The following RNF11 variants were observed in gnomAD, a reference collection of about 807,000 sequenced individuals.
RNF11 encodes the protein ring finger protein 11.
RNF11 carries 4 observed loss-of-function variants against 15.8 expected under a neutral mutation model. The ratio of observed to expected loss-of-function variants is 0.25; its 90% CI spans 0.12 to 0.58. The LOEUF (loss-of-function observed/expected upper bound fraction) is 0.58, where lower values mean the gene tolerates loss of function less well. Among genes scored for constraint, RNF11 ranks in the 20% least tolerant of loss-of-function variants. The pLI, the probability that RNF11 is intolerant of heterozygous loss-of-function variation, is 0.91. For synonymous variants in RNF11, 68 were observed against 72.3 expected (o/e 0.94, Z 0.30); for missense variants, 139 against 194.4 (o/e 0.71, Z 1.70).
At chr1:51,248,364 G>C (rs1029557971) in intron 1 of RNF11, among the ~76,000 whole-genome samples, 1 of 151,830 alleles carries the variant, frequency 6.6e-6, no homozygotes, top group African/African-American at 2.4e-5. Context: ...GCGCCACCAT[G>C]CCTGGCTAAT....
chr1:51,262,724 T>TG, intron 1 of RNF11, among the ~76,000 whole-genome samples: 1 of 147,306 alleles, frequency 6.8e-6, no homozygotes, highest in East Asian at 2.0e-4. Context: ...TCTTTTTTTT[T>TG]TTTTTTTTTT....
chr1:51,240,266 C>T (rs1646822630), intron 1 of RNF11, among the ~76,000 whole-genome samples: 1 of 152,206 alleles, frequency 6.6e-6, no homozygotes, highest in Non-Finnish European at 1.5e-5. Context: ...CTTCCCTGTC[C>T]TCATTGCTAT....
chr1:51,243,540 G>A (rs1330475929), intron 1 of RNF11, among the ~76,000 whole-genome samples: 2 of 152,170 alleles, frequency 1.3e-5, no homozygotes, highest in African/African-American at 4.8e-5. Context: ...CCGGGTCCGA[G>A]CAATTCTCCT....
intron 1 of RNF11, chr1:51,251,482 T>C (rs573897164): frequency 4.9e-6 from 3 of 611,752 alleles, no homozygotes; most frequent in Non-Finnish European, 8.6e-6. Flanking sequence ...TTTGGTGTTT[T>C]CTCGGAGAAG....
Position 51,236,618 on chromosome 1 carries a change from T to TG in RNF11, c.-135dup. 1 of 1,090,740 alleles carries TG rather than the reference T, an allele frequency of 9.2e-7. No homozygotes were observed. The allele number at this position is 1,090,740 out of a possible 1,614,324, so 67.6% of individuals were successfully genotyped here. A position where few individuals can be genotyped will look rare whatever the true frequency, so the allele number is the denominator to read the frequency against. ...CATGAGCGGCCCCTCGGCGGCACCGTGGGGCGGTGGAGTCGCCTCCGCCTG... is the reference window on the plus strand; with the variant it reads ...CATGAGCGGCCCCTCGGCGGCACCGTGGGGGCGGTGGAGTCGCCTCCGCCTG... On this transcript the variant is annotated 5_prime_UTR_variant, in exon 1 of 3. It removes the in-frame stop codon of an upstream open reading frame in the 5' UTR. Transcript: ENST00000242719.
chr1:51,272,458 A>G lies in RNF11; in HGVS notation c.*1136A>G, dbSNP rs1031263990. 11 of 152,616 alleles carry G rather than the reference A, an allele frequency of 7.2e-5. No individual in the cohort carries two copies. Among genetic ancestry groups the G allele is most frequent in the Non-Finnish European group, 8.8e-5 (6 of 68,018 alleles). The allele number at this position is 152,616 out of a possible 1,614,324, so 9.5% of individuals were successfully genotyped here. On this transcript the variant is annotated 3_prime_UTR_variant, in exon 3 of 3. Coordinates refer to ENST00000242719, the MANE Select transcript of RNF11 (RefSeq NM_014372.5). Reference sequence around the variant, plus strand: ...AAACTAAGCAGGGAGAATAAAGATAATTGTATTTTATGTTTTGCACACAAA... The same window carrying G: ...AAACTAAGCAGGGAGAATAAAGATAGTTGTATTTTATGTTTTGCACACAAA...
chr1:51,264,032 T>C (rs1017931861), intron 1 of RNF11, among the ~76,000 whole-genome samples: 9 of 151,730 alleles, frequency 5.9e-5, no homozygotes, highest in Non-Finnish European at 2.9e-5. Flanking sequence ...GGCAGGAGGA[T>C]TGCTTGAGCC....
At chr1:51,255,148 C>T (rs1646898743) in intron 1 of RNF11, among the ~76,000 whole-genome samples, 1 of 151,972 alleles carries the variant, frequency 6.6e-6, no homozygotes. Context: ...TATTAATATG[C>T]TATATAATAT....
At chr1:51,237,432 ATATATATGTG>A (rs1646809661) in intron 1 of RNF11, among the ~76,000 whole-genome samples, 1 of 140,020 alleles carries the variant, frequency 7.1e-6, no homozygotes, top group Non-Finnish European at 1.6e-5. Flanking sequence ...GTGTATATAT[ATATATATGTG>A]TATATATATA....
chr1:51,260,008 A>G (rs1646923154), intron 1 of RNF11, among the ~76,000 whole-genome samples: 2 of 152,236 alleles, frequency 1.3e-5, no homozygotes, highest in Admixed American at 1.3e-4. Context: ...TTAGATTTTT[A>G]TGATGTACCC....
At chr1:51,240,203 C>T (rs1646822370) in intron 1 of RNF11, among the ~76,000 whole-genome samples, 1 of 152,180 alleles carries the variant, frequency 6.6e-6, no homozygotes, top group Admixed American at 6.5e-5. Flanking sequence ...CCCCTTGTTT[C>T]CACGCATGTC....
At chr1:51,251,941 T>C (rs1361946485) in intron 1 of RNF11, among the ~76,000 whole-genome samples, 1 of 151,632 alleles carries the variant, frequency 6.6e-6, no homozygotes, top group Non-Finnish European at 1.5e-5. Flanking sequence ...TAGCTGGGTG[T>C]GGTAGTGCAT....
intron 1 of RNF11, among the ~76,000 whole-genome samples, chr1:51,243,729 A>G (rs1303940350): frequency 6.6e-6 from 1 of 152,164 alleles, no homozygotes; most frequent in Non-Finnish European, 1.5e-5. Flanking sequence ...GTGAGCCACC[A>G]CGCCCGGCCC....
intron 1 of RNF11, among the ~76,000 whole-genome samples, chr1:51,262,727 T>TG: frequency 6.8e-6 from 1 of 147,952 alleles, no homozygotes; most frequent in East Asian, 2.0e-4. Flanking sequence ...TTTTTTTTTT[T>TG]TTTTTTTTTT....
intron 1 of RNF11, among the ~76,000 whole-genome samples, chr1:51,249,673 A>G (rs1646868111): frequency 6.6e-6 from 1 of 152,238 alleles, no homozygotes; most frequent in Non-Finnish European, 1.5e-5. Flanking sequence ...GCAGTATTCA[A>G]AATTGTGTAA....
At chr1:51,246,199 A>G (rs1187350396) in intron 1 of RNF11, among the ~76,000 whole-genome samples, 1 of 152,078 alleles carries the variant, frequency 6.6e-6, no homozygotes, top group Non-Finnish European at 1.5e-5. Context: ...CAGGAGGTGG[A>G]GGTTGTGTTG....
Position 51,271,787 on chromosome 1 carries a change from C to G in RNF11, c.*465C>G, listed in dbSNP as rs1314893445. The G allele has an allele frequency of 6.5e-6, 1 of 153,784 alleles. No individual in the cohort carries two copies. Among genetic ancestry groups the G allele is most frequent in the Non-Finnish European group, 1.5e-5 (1 of 68,804 alleles). 9.5% of individuals were successfully genotyped at this position (153,784 alleles called of 1,614,324 possible). ...CTACATTTTATAACACTGGCACACA[C>G]AAAAAAGTAGTTTTAAGCTTGTTTG... On this transcript the variant is annotated 3_prime_UTR_variant, in exon 3 of 3. Coordinates refer to ENST00000242719, the MANE Select transcript of RNF11 (RefSeq NM_014372.5).
chr1:51,248,897 A>G (rs1391055492), intron 1 of RNF11, among the ~76,000 whole-genome samples: 2 of 152,210 alleles, frequency 1.3e-5, no homozygotes, highest in Non-Finnish European at 2.9e-5. Flanking sequence ...AATATTTGGG[A>G]AAGAAAACAA....
chr1:51,264,278 AAAAAAAAAAATATATATATATATATAT>A (rs1404367534), intron 1 of RNF11, among the ~76,000 whole-genome samples: 1 of 97,920 alleles, frequency 1.0e-5, no homozygotes. Context: ...AAAAAAAAAA[AAAAAAAAAAATATATATATATATATAT>A]ATATATATAT....
Sources: gnomAD v4.1 joint callset for allele counts (sites outside exome capture counted in the v4.1 genomes callset) on GRCh38, gnomAD v4.1.1 for gene constraint, MANE v1.5 for transcripts, NCBI Gene and HGNC (gene_info 2026-07-23, HGNC 2026-07-21) for gene names.